SERPINB8: variants seen among roughly 807,000 people sequenced by gnomAD.
The protein encoded by SERPINB8 is serpin family B member 8.
In SERPINB8, 25 loss-of-function variants were observed where a neutral mutation model predicts 35.3. That is an observed-to-expected ratio of 0.71 (90% confidence interval 0.52 to 0.99). The LOEUF is 0.99. SERPINB8 is among the 50% of genes least tolerant of loss of function. The probability of loss-of-function intolerance (pLI) is 0.00; values close to 1 mark genes in which losing one functional copy is unlikely to be tolerated. For synonymous variants in SERPINB8, 186 were observed against 160.8 expected, an observed-to-expected ratio of 1.16 and a Z score of -1.19; for missense variants, 484 against 446.5, an observed-to-expected ratio of 1.08 and a Z score of -0.76.
At chr18:64,017,292 T>A (rs1206341146) in intron 7 of SERPINB8, among the ~76,000 whole-genome samples, 1 of 152,178 alleles carries the variant, frequency 6.6e-6, no homozygotes, top group Non-Finnish European at 1.5e-5. Flanking sequence ...TTTCTTTCTA[T>A]ATGAATTCTA....
chr18:64,011,023 A>G (rs2050923568), intron 7 of SERPINB8, among the ~76,000 whole-genome samples: 1 of 151,978 alleles, frequency 6.6e-6, no homozygotes, highest in Admixed American at 6.6e-5. Flanking sequence ...AAGAAATTTA[A>G]CAAAAGAATG....
chr18:64,009,432 C>T (rs2050915630), downstream of SERPINB8, among the ~76,000 whole-genome samples: 3 of 152,150 alleles, frequency 2.0e-5, no homozygotes, highest in Non-Finnish European at 4.4e-5. Context: ...CTTTAGCAGA[C>T]ATTAAAACTT....
At chr18:63,985,406 T>C (rs1279190764) in intron 6 of SERPINB8, among the ~76,000 whole-genome samples, 161 bp downstream of exon 6, 2 of 152,242 alleles carry the variant, frequency 1.3e-5, no homozygotes, top group Admixed American at 6.5e-5. Flanking sequence ...TGTTCATGCA[T>C]TTCTGTTGAG....
intron 4 of SERPINB8, among the ~76,000 whole-genome samples, chr18:63,983,254 TG>T (rs1228478071): frequency 6.6e-6 from 1 of 152,214 alleles, no homozygotes; most frequent in African/African-American, 2.4e-5. Flanking sequence ...ATCAAGACTC[TG>T]GGGTGATGTT....
intron 1 of SERPINB8, among the ~76,000 whole-genome samples, chr18:64,003,519 ATGTGTGTGTG>A (rs61161137): frequency 0.36 from 53,892 of 148,058 alleles, 10,639 homozygotes; most frequent in South Asian, 0.61. Flanking sequence ...TGAGGGACAA[ATGTGTGTGTG>A]TGTGTGTGTG....
chr18:64,012,129 T>C (rs757322713), intron 7 of SERPINB8, among the ~76,000 whole-genome samples: 1 of 152,300 alleles, frequency 6.6e-6, no homozygotes, highest in Admixed American at 6.5e-5. Context: ...TATTTAATTT[T>C]ATATATGATC....
In SERPINB8 at chr18:63,987,228, C is replaced by T. The variant is rs769902355; in HGVS notation, c.1075C>T (p.His359Tyr). 3.0e-5 allele frequency: 49 copies of T among 1,613,950 alleles called. No homozygotes were observed. The highest frequency in any genetic ancestry group is 2.3e-4 in the Admixed American group (14 of 59,984). The stretch of plus-strand genomic sequence containing the variant: ...CCACCCTTTTCTTTTCTTCATCAGG[C>T]ACCACAAAACCAACTGCATCTTGTT... ...ADHPFLFFIR[H>Y]HKTNCILFCG... Residue 359 changes from histidine to tyrosine, a missense_variant, in exon 7 of 7, where the codon CAC becomes TAC. By Grantham distance (83) the His-to-Tyr change is moderately conservative (BLOSUM62 2). Coordinates refer to ENST00000397985, the MANE Select transcript of SERPINB8 (RefSeq NM_002640.4).
chr18:64,017,111 C>A (rs564565834), intron 7 of SERPINB8, among the ~76,000 whole-genome samples: 41 of 152,244 alleles, frequency 2.7e-4, no homozygotes, highest in Middle Eastern at 3.4e-3. Context: ...TGAACCTATT[C>A]TTTAAATTGA....
intron 1 of SERPINB8, among the ~76,000 whole-genome samples, chr18:63,971,016 C>T (rs193025508): frequency 9.9e-5 from 15 of 152,240 alleles, no homozygotes; most frequent in African/African-American, 3.6e-4. Flanking sequence ...AGGGCCTCAC[C>T]CAGGGCTGCT....
At chr18:63,979,345 G>A (rs2050632334) in intron 2 of SERPINB8, among the ~76,000 whole-genome samples, 1 of 152,166 alleles carries the variant, frequency 6.6e-6, no homozygotes, top group Admixed American at 6.5e-5. Flanking sequence ...TATTACCCGA[G>A]TTGTAATTCA....
intron 1 of SERPINB8, among the ~76,000 whole-genome samples, chr18:63,997,039 T>A (rs1382446166): frequency 2.6e-5 from 4 of 152,216 alleles, no homozygotes; most frequent in Admixed American, 6.5e-5. Flanking sequence ...GCCATTCGAC[T>A]TACAGGTCTC....
intron 1 of SERPINB8, among the ~76,000 whole-genome samples, chr18:63,998,927 A>G (rs190885112): frequency 6.6e-6 from 1 of 152,330 alleles, no homozygotes; most frequent in Non-Finnish European, 1.5e-5. Context: ...TCAAATATCA[A>G]ATAGAAACTT....
At chr18:63,971,884 C>T (rs1398836547) in intron 1 of SERPINB8, among the ~76,000 whole-genome samples, 1 of 152,188 alleles carries the variant, frequency 6.6e-6, no homozygotes, top group Non-Finnish European at 1.5e-5. Context: ...GGGCACCACA[C>T]AAACCATGCC....
chr18:64,012,478 G>C (rs978998739), intron 7 of SERPINB8, among the ~76,000 whole-genome samples: 1 of 151,400 alleles, frequency 6.6e-6, no homozygotes, highest in South Asian at 2.1e-4. Flanking sequence ...ACTTTTTCTC[G>C]TAGCTCTTCT....
At chr18:63,972,793 T>C (rs2050509778) in intron 1 of SERPINB8, among the ~76,000 whole-genome samples, 1 of 152,216 alleles carries the variant, frequency 6.6e-6, no homozygotes, top group South Asian at 2.1e-4. Context: ...TCCAGCTTCA[T>C]CCATGTCCCT....
intron 4 of SERPINB8, 60 bp downstream of exon 4, chr18:63,981,898 G>A (rs937768813): frequency 1.6e-6 from 2 of 1,216,078 alleles, no homozygotes; most frequent in Non-Finnish European, 2.4e-6. Flanking sequence ...TAGATTGACT[G>A]GGATGGGACT....
At chr18:63,970,872 A>T (rs1027477745) in intron 1 of SERPINB8, among the ~76,000 whole-genome samples, 1 of 150,342 alleles carries the variant, frequency 6.7e-6, no homozygotes, top group Non-Finnish European at 1.5e-5. Flanking sequence ...CTCAAATGGG[A>T]TGGGGTTGGG....
intron 7 of SERPINB8, among the ~76,000 whole-genome samples, chr18:64,017,378 T>C (rs2144854550): frequency 6.6e-6 from 1 of 152,250 alleles, no homozygotes; most frequent in African/African-American, 2.4e-5. Context: ...CCTATGAGGG[T>C]AGGAATCAGG....
downstream of SERPINB8, chr18:64,005,723 G>A (rs2050896980): frequency 6.6e-6 from 1 of 152,210 alleles, no homozygotes; most frequent in Non-Finnish European, 1.5e-5. Flanking sequence ...CTGTAAGGAA[G>A]TGTTTATTCA....
Sources: gnomAD v4.1 joint callset for allele counts (sites outside exome capture counted in the v4.1 genomes callset) on GRCh38, gnomAD v4.1.1 for gene constraint, MANE v1.5 for transcripts, NCBI Gene and HGNC (gene_info 2026-07-23, HGNC 2026-07-21) for gene names.